CDH26: variants seen among roughly 807,000 people sequenced by gnomAD.
CDH26 encodes cadherin 26, also known as cadherin-like protein 26.
In CDH26, 83 loss-of-function variants were observed where a neutral mutation model predicts 90.3. The ratio of observed to expected loss-of-function variants is 0.92; its 90% CI spans 0.77 to 1.10. The LOEUF is 1.10. CDH26 is among the 50% of genes least tolerant of loss of function. The pLI is 0.00. For synonymous variants in CDH26, 397 were observed against 396.3 expected (o/e 1.00, Z -0.02); for missense variants, 1,013 against 1,037.6 (o/e 0.98, Z 0.33).
intron 12 of CDH26, 38 bp downstream of exon 12, chr20:59,996,092 C>A (rs181435118): frequency 4.4e-6 from 7 of 1,590,836 alleles, no homozygotes; most frequent in Non-Finnish European, 6.0e-6. Flanking sequence ...ACTGTGGCTC[C>A]TCTCCCCAGG....
Position 59,970,100 on chromosome 20 carries a change from C to G in CDH26, c.145C>G (p.Leu49Val). 3 of 1,613,946 alleles carry G rather than the reference C, an allele frequency of 1.9e-6. No homozygotes were observed. Among genetic ancestry groups the G allele is most frequent in the Non-Finnish European group, 2.5e-6 (3 of 1,179,904 alleles). ...KQTKEKIYQP[L>V]RRSKRRWVIT... ...GTTCCAGGAAAAGATCTACCAGCCT[C>G]TACGGCGATCCAAGAGAAGATGGGT... Residue 49 changes from leucine (L) to valine (V), a missense_variant, in exon 3 of 18, where the codon CTA becomes GTA. Coordinates refer to ENST00000348616, the MANE Select transcript of CDH26 (RefSeq NM_177980.4).
Position 59,994,351 on chromosome 20 carries a change from T to C in CDH26, c.1528T>C (p.Cys510Arg). 6.2e-7 allele frequency: 1 copy of C among 1,613,988 alleles called. No individual in the cohort carries two copies. The highest frequency in any genetic ancestry group is 8.5e-7 in the Non-Finnish European group (1 of 1,180,010). ...GCCACGTTCCCGCTACATGGAGGTC[T>C]GTGAGTCTGCTGTGCATGAGCCCCT... ...LRPRSRYMEVCESAVHEPLHI... is the reference protein window; with the variant it reads ...LRPRSRYMEVRESAVHEPLHI... Residue 510 changes from cysteine (C) to arginine (R), a missense_variant, in exon 11 of 18, where the codon TGT becomes CGT. Coordinates refer to ENST00000348616, the MANE Select transcript of CDH26 (RefSeq NM_177980.4).
chr20:60,005,350 G>C (rs1283935100), intron 16 of CDH26, among the ~76,000 whole-genome samples: 1 of 151,280 alleles, frequency 6.6e-6, no homozygotes, highest in Non-Finnish European at 1.5e-5. Context: ...ATTGTTCAAG[G>C]GTCAACTGTA....
At chr20:60,025,334 A>T (rs2146033045) in intron 7 of CDH26, among the ~76,000 whole-genome samples, 1 of 152,374 alleles carries the variant, frequency 6.6e-6, no homozygotes, top group East Asian at 1.9e-4. Context: ...ATGTTTAAAC[A>T]AGTATATGTA....
intron 8 of CDH26, among the ~76,000 whole-genome samples, chr20:60,032,885 T>C (rs2062052083): frequency 6.7e-6 from 1 of 148,964 alleles, no homozygotes; most frequent in South Asian, 2.2e-4. Context: ...CATTGGGAGA[T>C]GTACCTAATG....
chr20:60,024,985 A>T (rs190438683), intron 7 of CDH26, among the ~76,000 whole-genome samples: 8 of 152,266 alleles, frequency 5.3e-5, no homozygotes, highest in Admixed American at 2.6e-4. Context: ...CTCTCCCTGC[A>T]GGCTGGCTGC....
chr20:60,034,493 G>A (rs751507), downstream of CDH26, among the ~76,000 whole-genome samples: 42,219 of 152,060 alleles, frequency 0.28, 7,219 homozygotes, highest in Non-Finnish European at 0.36. Flanking sequence ...TCATAGCCTC[G>A]GAGCCGTGGC....
intron 15 of CDH26, among the ~76,000 whole-genome samples, 183 bp from the exon 16 acceptor site, chr20:60,002,630 C>G (rs2061691724): frequency 6.6e-6 from 1 of 152,038 alleles, no homozygotes; most frequent in African/African-American, 2.4e-5. Context: ...TCTCATGTTC[C>G]TTCTTCACAA....
In CDH26 at chr20:60,021,712, A is replaced by G. The variant is rs2061952485; in HGVS notation, c.948-9519A>G. On this transcript the variant is annotated intron_variant, in intron 7 of 8. Transcript: ENST00000370991. ...TGTTTTCAATAGTAATAAAATATTCATGCAATACTCATGAACAACAAATTT... is the reference window on the plus strand; with the variant it reads ...TGTTTTCAATAGTAATAAAATATTCGTGCAATACTCATGAACAACAAATTT... Among the ~76,000 whole-genome samples the G allele has an allele frequency of 3.9e-5, 6 of 152,130 alleles. No individual in the cohort carries two copies. In the South Asian group the frequency reaches 1.2e-3, roughly 32 times the overall value.
intron 16 of CDH26, among the ~76,000 whole-genome samples, chr20:60,006,472 T>G (rs116053663): frequency 0.019 from 2,938 of 152,286 alleles, 89 homozygotes; most frequent in African/African-American, 0.067. Context: ...GGTTCCTTCC[T>G]CACTGAAAGT....
downstream of CDH26, among the ~76,000 whole-genome samples, chr20:60,016,793 C>A (rs1003616216): frequency 7.2e-5 from 11 of 151,840 alleles, no homozygotes; most frequent in African/African-American, 2.7e-4. Context: ...TCCTTTTATA[C>A]CTAATTTTTT....
At chr20:59,980,955 T>G (rs1257630633) in intron 4 of CDH26, among the ~76,000 whole-genome samples, 3 of 151,802 alleles carry the variant, frequency 2.0e-5, no homozygotes, top group African/African-American at 7.2e-5. Flanking sequence ...CCAGGTTTAT[T>G]TTTTTTTGCT....
chr20:59,986,794 GA>G (rs1013268672), intron 7 of CDH26, among the ~76,000 whole-genome samples: 2 of 151,694 alleles, frequency 1.3e-5, no homozygotes, highest in Non-Finnish European at 2.9e-5. Flanking sequence ...CGTTTAATTA[GA>G]AAAAAAACCT....
At chr20:60,005,811 C>T (rs1243778566) in intron 16 of CDH26, among the ~76,000 whole-genome samples, 1 of 152,130 alleles carries the variant, frequency 6.6e-6, no homozygotes, top group Admixed American at 6.5e-5. Flanking sequence ...CTTTAATGTC[C>T]TGTGAGACCC....
At chr20:60,002,232 G>A (rs2061686164) in intron 15 of CDH26, among the ~76,000 whole-genome samples, 2 of 152,078 alleles carry the variant, frequency 1.3e-5, no homozygotes, top group South Asian at 4.2e-4. Flanking sequence ...AAAACATGAT[G>A]TTCTTCTTTG....
At chr20:60,031,381 G>T in exon 8 of CDH26, 2 of 1,247,126 alleles carry the variant, frequency 1.6e-6, no homozygotes, top group Non-Finnish European at 1.0e-6. Flanking sequence ...CGGGGCTTTG[G>T]CTCGAACACC....
At position 59,984,985 on chromosome 20, in the gene CDH26, T is replaced by A; in HGVS notation, c.709-16T>A. On this transcript the variant is annotated splice_polypyrimidine_tract_variant and intron_variant, in intron 6 of 17. Transcript: ENST00000348616. ...CTGTATTTGAGGGGCTTAACTTTCCTTTTCCTCCCACATAGACCGCTCCTC... is the reference window on the plus strand; with the variant it reads ...CTGTATTTGAGGGGCTTAACTTTCCATTTCCTCCCACATAGACCGCTCCTC... The A allele has an allele frequency of 6.2e-7, 1 of 1,609,016 alleles. No homozygotes were observed. The highest frequency in any genetic ancestry group is 8.5e-7 in the Non-Finnish European group (1 of 1,176,964).
chr20:59,997,277 C>G (rs1224620813), intron 13 of CDH26, among the ~76,000 whole-genome samples: 1 of 152,254 alleles, frequency 6.6e-6, no homozygotes. Context: ...CATGGCAGAA[C>G]CTGCTCTTCT....
rs200166467 is a variant in CDH26 at position 60,002,838 on chromosome 20, G to T, written c.2192G>T (p.Arg731Ile). The stretch of plus-strand genomic sequence containing the variant: ...GGTTATGGCAAGCCCTTTGAGCCAA[G>T]AAGTGTGAAAAACATACACTCTACT... ...SWGYGKPFEP[R>I]SVKNIHSTPA... The change falls in exon 16 of 18, where the codon AGA becomes ATA. Residue 731 changes from arginine (R) to isoleucine (I), a missense_variant. Arg to Ile is a moderately conservative substitution (Grantham distance 97, BLOSUM62 -3). Transcript: ENST00000348616. 8.2e-5 allele frequency: 132 copies of T among 1,600,994 alleles called. 1 individual carries two copies. In the East Asian group the frequency reaches 2.8e-3, roughly 33 times the overall value.
Sources: allele counts gnomAD v4.1 joint callset (sites outside exome capture counted in the v4.1 genomes callset), GRCh38; gene constraint gnomAD v4.1.1; transcripts MANE v1.5; gene names NCBI Gene and HGNC (gene_info 2026-07-23, HGNC 2026-07-21).